Variants in C7orf78 observed in about 807,000 individuals in gnomAD.
C7orf78 encodes chromosome 7 open reading frame 78.
the C7orf78 span, among the ~76,000 whole-genome samples, chr7:12,512,811 T>G: frequency 6.6e-6 from 1 of 152,136 alleles, no homozygotes; most frequent in African/African-American, 2.4e-5. Flanking sequence ...GTCTTTGTAT[T>G]TTCTTTGCTG....
At chr7:12,537,290 G>T in the C7orf78 span, among the ~76,000 whole-genome samples, 1 of 152,170 alleles carries the variant, frequency 6.6e-6, no homozygotes, top group African/African-American at 2.4e-5. Flanking sequence ...CTTTTGCAGG[G>T]AAACTCCCAT....
chr7:12,538,664 T>C, the C7orf78 span, among the ~76,000 whole-genome samples: 3 of 152,146 alleles, frequency 2.0e-5, no homozygotes, highest in Non-Finnish European at 2.9e-5. Context: ...AAGAGGCATC[T>C]TATCATTGGT....
At chr7:12,537,386 C>G in the C7orf78 span, among the ~76,000 whole-genome samples, 1 of 152,198 alleles carries the variant, frequency 6.6e-6, no homozygotes, top group Non-Finnish European at 1.5e-5. Flanking sequence ...CAATCACCTC[C>G]CACTGGGATT....
the C7orf78 span, among the ~76,000 whole-genome samples, chr7:12,488,162 T>C: frequency 1.3e-5 from 2 of 152,218 alleles, no homozygotes; most frequent in South Asian, 2.1e-4. Flanking sequence ...ATAGATATTA[T>C]GTTTCTTTAA....
the C7orf78 span, chr7:12,528,795 G>C: frequency 5.1e-6 from 2 of 395,684 alleles, no homozygotes; most frequent in African/African-American, 2.1e-5. Flanking sequence ...ATTATCCAGC[G>C]ACTTACCACT....
At chr7:12,528,097 G>A in the C7orf78 span, among the ~76,000 whole-genome samples, 1 of 147,146 alleles carries the variant, frequency 6.8e-6, no homozygotes, top group Non-Finnish European at 1.5e-5. Flanking sequence ...ATGCCATCTA[G>A]CTGTGTAATT....
the C7orf78 span, among the ~76,000 whole-genome samples, chr7:12,511,116 T>C: frequency 6.6e-6 from 1 of 152,056 alleles, no homozygotes; most frequent in Non-Finnish European, 1.5e-5. Flanking sequence ...GTTATCCAGT[T>C]TTCCAACTAT....
At chr7:12,492,479 C>T in the C7orf78 span, among the ~76,000 whole-genome samples, 1 of 152,176 alleles carries the variant, frequency 6.6e-6, no homozygotes, top group Non-Finnish European at 1.5e-5. Flanking sequence ...CCCAGCAATA[C>T]TGGTTATGGT....
chr7:12,500,899 A>T, the C7orf78 span, among the ~76,000 whole-genome samples: 2 of 148,408 alleles, frequency 1.3e-5, no homozygotes, highest in East Asian at 4.0e-4. Context: ...AGTGGGCTTC[A>T]TCCCTGGGAT....
chr7:12,494,841 A>C, the C7orf78 span, among the ~76,000 whole-genome samples: 4 of 152,194 alleles, frequency 2.6e-5, no homozygotes, highest in African/African-American at 9.7e-5. Context: ...TTTCAAACTC[A>C]ACCTACCACT....
At chr7:12,513,247 T>C in the C7orf78 span, among the ~76,000 whole-genome samples, 2 of 151,938 alleles carry the variant, frequency 1.3e-5, no homozygotes, top group Admixed American at 1.3e-4. Context: ...CTTCTTTCTT[T>C]TTTTGTTGCT....
the C7orf78 span, among the ~76,000 whole-genome samples, chr7:12,511,004 A>T: frequency 3.7e-3 from 560 of 152,136 alleles, 5 homozygotes; most frequent in African/African-American, 0.013. Context: ...TTTTTGTAGT[A>T]GTTTTATAAT....
chr7:12,532,631 A>G, the C7orf78 span, among the ~76,000 whole-genome samples: 1 of 152,086 alleles, frequency 6.6e-6, no homozygotes, highest in Non-Finnish European at 1.5e-5. Context: ...TAACTCCTGT[A>G]CCACTATGAA....
the C7orf78 span, among the ~76,000 whole-genome samples, chr7:12,518,991 G>T: frequency 1.1e-4 from 17 of 152,062 alleles, no homozygotes; most frequent in Non-Finnish European, 2.1e-4. Context: ...CCGTGCTGCT[G>T]GTATGGGCTG....
At chr7:12,483,648 T>TTG in the C7orf78 span, 4 of 148,424 alleles carry the variant, frequency 2.7e-5, no homozygotes, top group African/African-American at 9.9e-5. Context: ...GGCGGGAGGA[T>TTG]CATGAGGTCA....
At chr7:12,504,472 C>T in the C7orf78 span, 1 of 152,118 alleles carries the variant, frequency 6.6e-6, no homozygotes, top group South Asian at 2.1e-4. Flanking sequence ...AACTGTTAGT[C>T]TCTCTTGGCT....
the C7orf78 span, among the ~76,000 whole-genome samples, chr7:12,533,913 A>T: frequency 6.6e-6 from 1 of 152,186 alleles, no homozygotes; most frequent in Non-Finnish European, 1.5e-5. Flanking sequence ...TTCAACTTTC[A>T]TAGGTGTCAC....
At chr7:12,502,938 C>A in the C7orf78 span, among the ~76,000 whole-genome samples, 3 of 151,192 alleles carry the variant, frequency 2.0e-5, no homozygotes, top group East Asian at 1.9e-4. Context: ...TTGTAGGGAC[C>A]TGGATGAAAT....
At chr7:12,487,859 G>T in the C7orf78 span, among the ~76,000 whole-genome samples, 7 of 152,004 alleles carry the variant, frequency 4.6e-5, no homozygotes, top group Admixed American at 4.6e-4. Flanking sequence ...AAATACTTGT[G>T]CAGTTATAAC....
Sources: gnomAD v4.1 joint callset for allele counts (sites outside exome capture counted in the v4.1 genomes callset) on GRCh38, gnomAD v4.1.1 for gene constraint, MANE v1.5 for transcripts, NCBI Gene and HGNC (gene_info 2026-07-23, HGNC 2026-07-21) for gene names.